MBOAT4: variants seen among roughly 807,000 people sequenced by gnomAD.
MBOAT4 encodes the protein membrane-bound ghrelin O-acyltransferase MBOAT4.
In MBOAT4, 11 loss-of-function variants were observed where a neutral mutation model predicts 13.2. The observed-to-expected ratio is 0.84, with a 90% confidence interval of 0.53 to 1.38. MBOAT4 has a LOEUF of 1.38. Among genes scored for constraint, MBOAT4 ranks in the 40% most tolerant of loss-of-function variants. MBOAT4 has a pLI of 0.00. For missense variants in MBOAT4, 481 were observed against 527.2 expected, an observed-to-expected ratio of 0.91 and a Z score of 0.86; for synonymous variants, 202 against 210.3, an observed-to-expected ratio of 0.96 and a Z score of 0.34.
intron 2 of MBOAT4, among the ~76,000 whole-genome samples, chr8:30,133,632 G>A (rs905167942): frequency 1.1e-4 from 17 of 152,046 alleles, no homozygotes; most frequent in Admixed American, 9.8e-4. Flanking sequence ...TTTGAAAGTT[G>A]TGGGAATAAA....
intron 2 of MBOAT4, chr8:30,137,733 T>G (rs1296211613): frequency 5.6e-6 from 3 of 539,708 alleles, no homozygotes; most frequent in African/African-American, 3.8e-5. Context: ...GCTTACAGTT[T>G]AAAACAAAGA....
At chr8:30,144,247 G>C (rs573345846) in intron 1 of MBOAT4, among the ~76,000 whole-genome samples, 10 of 151,998 alleles carry the variant, frequency 6.6e-5, no homozygotes, top group Admixed American at 4.6e-4. Flanking sequence ...CAGGTCTCCT[G>C]CCTCCCTCCC....
intron 1 of MBOAT4, among the ~76,000 whole-genome samples, chr8:30,144,157 T>TA (rs1008512736): frequency 7.0e-5 from 10 of 142,838 alleles, no homozygotes; most frequent in African/African-American, 2.5e-4. Flanking sequence ...TTTTTTTAGA[T>TA]AGAGGCTTGC....
At chr8:30,144,410 A>T in intron 1 of MBOAT4, 73 bp downstream of exon 1, 3 of 1,130,076 alleles carry the variant, frequency 2.7e-6, no homozygotes, top group Non-Finnish European at 3.8e-6. Flanking sequence ...TGCAGGGATT[A>T]CGGGCGTGAG....
In MBOAT4 at chr8:30,144,558, T is replaced by A. The variant is rs139802049; in HGVS notation, c.44A>T (p.Tyr15Phe). The change falls in exon 1 of 3, where the codon TAC becomes TTC. Residue 15 changes from tyrosine to phenylalanine, a missense_variant. Coordinates refer to ENST00000320542, the MANE Select transcript of MBOAT4 (RefSeq NM_001100916.2). ...WLFFLHPISF[Y>F]QGAAFPFALL... The stretch of plus-strand genomic sequence containing the variant: ...TGCAAAGGGAAATGCAGCCCCCTGG[T>A]AAAACGATATAGGATGGAGAAAGAA... 6.8e-5 allele frequency: 106 copies of A among 1,551,486 alleles called. No individual in the cohort carries two copies. The African/African-American group carries it at 1.3e-3, about 18-fold the overall frequency.
intron 1 of MBOAT4, among the ~76,000 whole-genome samples, chr8:30,143,997 GT>G (rs1386815766): frequency 1.3e-5 from 2 of 152,224 alleles, no homozygotes; most frequent in African/African-American, 4.8e-5. Context: ...TTCCAGTTTA[GT>G]TTTACTCTGT....
chr8:30,136,730 CTT>C (rs11390350), intron 2 of MBOAT4, among the ~76,000 whole-genome samples: 16 of 143,706 alleles, frequency 1.1e-4, no homozygotes, highest in African/African-American at 1.3e-4. Context: ...TCCCCCCGAA[CTT>C]TTTTTTTTTT....
In MBOAT4 at chr8:30,141,351, A is replaced by G. The variant is rs1346146348; in HGVS notation, c.120-2595T>C. Among the ~76,000 whole-genome samples, 6 of 152,212 alleles carry G rather than the reference A, an allele frequency of 3.9e-5. No individual in the cohort carries two copies. In the East Asian group the frequency reaches 1.2e-3, roughly 29 times the overall value. ...ATGAAGGGGTCAGAAAAAGTGTGGA[A>G]TAGCAGGGCGTGGTGGCTCATGCTT... On this transcript the variant is annotated intron_variant, in intron 1 of 2. Transcript: ENST00000320542.
chr8:30,144,299 A>AT lies in MBOAT4; in HGVS notation c.119+183dup, dbSNP rs577333521. On this transcript the variant is annotated intron_variant, in intron 1 of 2. Transcript: ENST00000320542. ...AGGCATGAGCCACCATGCCCAGCTA[A>AT]TTTTTTTTGTATTTGCATTAGAGAC... Among the ~76,000 whole-genome samples, 48 of 152,074 alleles carry AT rather than the reference A, an allele frequency of 3.2e-4. No individual in the cohort carries two copies. The South Asian group carries it at 5.4e-3, about 17-fold the overall frequency.
chr8:30,132,970 G>T (rs182204319), intron 2 of MBOAT4, 64 bp from the exon 3 acceptor site: 667 of 1,442,846 alleles, frequency 4.6e-4, no homozygotes, highest in Non-Finnish European at 5.3e-4. Context: ...TCTTATTCCA[G>T]TCTGTCATAC....
intron 1 of MBOAT4, among the ~76,000 whole-genome samples, chr8:30,141,014 T>C (rs961103858): frequency 3.3e-5 from 5 of 152,162 alleles, no homozygotes; most frequent in African/African-American, 9.6e-5. Context: ...ATTTTTTTAA[T>C]ATTTTTTGTA....
chr8:30,132,629 T>G lies in MBOAT4; in HGVS notation c.622A>C (p.Arg208=), dbSNP rs149781890. The part of the protein sequence containing the change: ...PRHSFWALSW[R]GLQILGLECL... Reference sequence around the variant, plus strand: ...TCTAGTCCAAGAATCTGCAGACCCCTCCAGCTCAGAGCCCAGAAAGAGTGT... The same window carrying G: ...TCTAGTCCAAGAATCTGCAGACCCCGCCAGCTCAGAGCCCAGAAAGAGTGT... The change falls in exon 3 of 3, where the codon AGG becomes CGG. Residue 208 remains arginine, a synonymous_variant. Coordinates refer to ENST00000320542, the MANE Select transcript of MBOAT4 (RefSeq NM_001100916.2). 5 of 1,551,650 alleles carry G rather than the reference T, an allele frequency of 3.2e-6. No individual in the cohort carries two copies. The African/African-American group carries it at 6.8e-5, about 21-fold the overall frequency.
At chr8:30,143,787 T>G (rs977471526) in intron 1 of MBOAT4, among the ~76,000 whole-genome samples, 1 of 152,230 alleles carries the variant, frequency 6.6e-6, no homozygotes, top group Admixed American at 6.5e-5. Context: ...TATATAAAAT[T>G]TAATTTGATT....
Position 30,131,753 on chromosome 8 carries a change from C to T in MBOAT4, c.*190G>A. The T allele has an allele frequency of 1.7e-6, 1 of 599,124 alleles. No individual in the cohort carries two copies. The highest frequency in any genetic ancestry group is 2.8e-6 in the Non-Finnish European group (1 of 361,136). The allele number at this position is 599,124 out of a possible 1,614,324, so 37.1% of individuals were successfully genotyped here. ...AACCACATCTTTTTCCTTTTTGTATCCTCAGTACCAGCAGAATAGCTTGCT... is the reference window on the plus strand; with the variant it reads ...AACCACATCTTTTTCCTTTTTGTATTCTCAGTACCAGCAGAATAGCTTGCT... On this transcript the variant is annotated 3_prime_UTR_variant, in exon 3 of 3. Coordinates refer to ENST00000320542, the MANE Select transcript of MBOAT4 (RefSeq NM_001100916.2).
chr8:30,143,542 T>G (rs2117553591), intron 1 of MBOAT4, among the ~76,000 whole-genome samples: 1 of 152,252 alleles, frequency 6.6e-6, no homozygotes, highest in East Asian at 1.9e-4. Context: ...ACATAAAATC[T>G]TATATGAGCA....
intron 1 of MBOAT4, among the ~76,000 whole-genome samples, chr8:30,140,373 C>G (rs371221107): frequency 1.3e-5 from 2 of 152,290 alleles, no homozygotes; most frequent in East Asian, 1.9e-4. Context: ...CAGGCATAAG[C>G]CATCGCGCCC....
Position 30,138,714 on chromosome 8 carries a change from A to G in MBOAT4, c.162T>C (p.Ala54=), listed in dbSNP as rs1803203320. Residue 54 remains alanine, a synonymous_variant, in exon 2 of 3, where the codon GCT becomes GCC. Transcript: ENST00000320542. The part of the protein sequence containing the change: ...LLTGGGALAV[A]AMGSYAVLVF... ...CGAGCACGGCGTAGGAACCCATGGC[A>G]GCCACGGCCAGGGCACCTCCTCCAG... The G allele has an allele frequency of 6.5e-7, 1 of 1,550,166 alleles. No homozygotes were observed. Among genetic ancestry groups the G allele is most frequent in the African/African-American group, 1.4e-5 (1 of 73,014 alleles).
chr8:30,141,456 G>A (rs1803258623), intron 1 of MBOAT4, among the ~76,000 whole-genome samples: 1 of 151,984 alleles, frequency 6.6e-6, no homozygotes, highest in Admixed American at 6.6e-5. Context: ...CTAACATGGT[G>A]AAACCCTGTC....
rs1803203929 is a variant in MBOAT4, at chr8:30,138,732, T to G, written c.144A>C (p.Gly48=). Residue 48 remains glycine, a synonymous_variant, in exon 2 of 3, where the codon GGA becomes GGC. Transcript: ENST00000320542. ...RARYLFLLTG[G]GALAVAAMGS... ...CCATGGCAGCCACGGCCAGGGCACC[T>G]CCTCCAGTCAGGAGAAAGAGGTACC... The G allele has an allele frequency of 1.3e-6, 2 of 1,549,692 alleles. No homozygotes were observed. Among genetic ancestry groups the G allele is most frequent in the African/African-American group, 1.4e-5 (1 of 73,038 alleles).
Sources: gnomAD v4.1 joint callset for allele counts (sites outside exome capture counted in the v4.1 genomes callset) on GRCh38, gnomAD v4.1.1 for gene constraint, MANE v1.5 for transcripts, NCBI Gene and HGNC (gene_info 2026-07-23, HGNC 2026-07-21) for gene names.